DIS3: variants seen among roughly 807,000 people sequenced by gnomAD.
DIS3 encodes the protein exosome complex exonuclease RRP44.
DIS3 carries 103 observed loss-of-function variants against 113.0 expected under a neutral mutation model. The observed-to-expected ratio is 0.91, with a 90% CI of 0.78 to 1.07. The LOEUF is 1.07. Ranked by LOEUF, DIS3 falls within the 50% of genes least tolerant of loss-of-function variation. The pLI is 0.00. For synonymous variants in DIS3, 402 were observed against 394.3 expected, an observed-to-expected ratio of 1.02 and a Z score of -0.23; for missense variants, 1,121 against 1,167.1, an observed-to-expected ratio of 0.96 and a Z score of 0.58.
At chr13:72,771,444 T>A (rs919495514) in intron 11 of DIS3, among the ~76,000 whole-genome samples, 4 of 152,150 alleles carry the variant, frequency 2.6e-5, no homozygotes, top group Non-Finnish European at 5.9e-5. Context: ...CTGGTCTGTA[T>A]AAGTTTATAC....
rs753696563 is a variant in DIS3 at position 72,752,236 on chromosome 13, G to C, written c.*7559C>G. The stretch of plus-strand genomic sequence containing the variant: ...GGCAAGATTTACATAGCAGTGAATA[G>C]AACATGACTTTTTAATTTTTGTCCC... On this transcript the variant is annotated 3_prime_UTR_variant, in exon 21 of 21. Transcript: ENST00000377767. 3.9e-5 allele frequency: 6 copies of C among 152,294 alleles called. No homozygotes were observed. The highest frequency in any genetic ancestry group is 2.0e-4 in the Admixed American group (3 of 15,296). The allele number at this position is 152,294 out of a possible 1,614,324, so 9.4% of individuals were successfully genotyped here.
chr13:72,777,176 A>C (rs1386543977), intron 4 of DIS3, among the ~76,000 whole-genome samples: 1 of 152,128 alleles, frequency 6.6e-6, no homozygotes, highest in East Asian at 1.9e-4. Context: ...TTCCTCAACC[A>C]AACAGTGCTA....
In DIS3 at chr13:72,758,443, T is replaced by C; in HGVS notation, c.*1352A>G. ...GATTTGTTTACATATTGTATATGGC[T>C]CCTTACACACTATCAACGGCAGAGT... On this transcript the variant is annotated 3_prime_UTR_variant, in exon 21 of 21. Coordinates refer to ENST00000377767, the MANE Select transcript of DIS3 (RefSeq NM_014953.5). The C allele has an allele frequency of 5.0e-6, 1 of 199,966 alleles. No homozygotes were observed. The highest frequency in any genetic ancestry group is 7.7e-5 in the East Asian group (1 of 12,906). The allele number at this position is 199,966 out of a possible 1,614,324, so 12.4% of individuals were successfully genotyped here.
At chr13:72,772,393 A>C (rs2033907222) in intron 9 of DIS3, 118 bp from the exon 10 acceptor site, 5 of 802,722 alleles carry the variant, frequency 6.2e-6, no homozygotes, top group African/African-American at 3.5e-5. Context: ...TATTTTCTTG[A>C]TGACAACCAC....
At chr13:72,768,036 C>T (rs1204896068) in intron 14 of DIS3, among the ~76,000 whole-genome samples, 1 of 152,164 alleles carries the variant, frequency 6.6e-6, no homozygotes, top group East Asian at 1.9e-4. Flanking sequence ...AGATCTGTTA[C>T]TAGTCAGATC....
In DIS3 at chr13:72,759,822, C is replaced by G. The variant is rs1424255219; in HGVS notation, c.2850G>C (p.Lys950Asn). 6.8e-6 allele frequency: 11 copies of G among 1,612,482 alleles called. No individual in the cohort carries two copies. The highest frequency in any genetic ancestry group is 9.3e-6 in the Non-Finnish European group (11 of 1,179,358). ...DTSNMDLNGPKKKKMKLGK is the reference protein window; with the variant it reads ...DTSNMDLNGPNKKKMKLGK The stretch of plus-strand genomic sequence containing the variant: ...ATTTTCCAAGCTTCATCTTCTTTTT[C>G]TTTGGTCCATTAAGGTCCATGTTTG... Residue 950 changes from lysine (K) to asparagine (N), a missense_variant, in exon 21 of 21, where the codon AAG becomes AAC. Lys to Asn is a moderately conservative substitution (Grantham distance 94, BLOSUM62 0). Transcript: ENST00000377767.
In DIS3 at chr13:72,756,970, G is replaced by T; in HGVS notation, c.*2825C>A. On this transcript the variant is annotated 3_prime_UTR_variant, in exon 21 of 21. Coordinates refer to ENST00000377767, the MANE Select transcript of DIS3 (RefSeq NM_014953.5). ...GGAGATAACAGTCCTGGCTTAACAGGGCTTTTTGAGTTAAGTGATATATTC... is the reference window on the plus strand; with the variant it reads ...GGAGATAACAGTCCTGGCTTAACAGTGCTTTTTGAGTTAAGTGATATATTC... 6.6e-6 allele frequency: 1 copy of T among 152,042 alleles called. No homozygotes were observed. The highest frequency in any genetic ancestry group is 2.4e-5 in the African/African-American group (1 of 41,376). The allele number at this position is 152,042 out of a possible 1,614,324, so 9.4% of individuals were successfully genotyped here.
At chr13:72,766,739 C>G (rs994004351) in intron 14 of DIS3, among the ~76,000 whole-genome samples, 2 of 152,084 alleles carry the variant, frequency 1.3e-5, no homozygotes, top group African/African-American at 4.8e-5. Flanking sequence ...TTTCTTACAC[C>G]TTGACATAAC....
chr13:72,781,770 G>C lies in DIS3; in HGVS notation c.63C>G (p.Arg21=). 6.2e-7 allele frequency: 1 copy of C among 1,604,816 alleles called. No individual in the cohort carries two copies. The highest frequency in any genetic ancestry group is 8.5e-7 in the Non-Finnish European group (1 of 1,175,912). Residue 21 remains arginine, a synonymous_variant, in exon 1 of 21, where the codon CGC becomes CGG. Coordinates refer to ENST00000377767, the MANE Select transcript of DIS3 (RefSeq NM_014953.5). ...TRAGGVMKIV[R]EHYLRDDIGC... ...CGATGTCGTCTCGCAGGTAGTGCTCGCGCACGATCTTCATCACGCCGCCCG... is the reference window on the plus strand; with the variant it reads ...CGATGTCGTCTCGCAGGTAGTGCTCCCGCACGATCTTCATCACGCCGCCCG...
At chr13:72,778,496 T>G in intron 2 of DIS3, 116 bp from the exon 3 acceptor site, 2 of 711,924 alleles carry the variant, frequency 2.8e-6, no homozygotes, top group South Asian at 7.0e-5. Context: ...GTATATCTTT[T>G]CTCTTGAATG....
intron 2 of DIS3, 83 bp downstream of exon 2, chr13:72,780,763 T>C (rs1593857006): frequency 2.4e-6 from 3 of 1,247,810 alleles, no homozygotes; most frequent in East Asian, 2.3e-5. Flanking sequence ...CTTCTGACAA[T>C]GTCATAAATT....
chr13:72,778,788 A>G (rs1411375613), intron 2 of DIS3, among the ~76,000 whole-genome samples: 1 of 152,230 alleles, frequency 6.6e-6, no homozygotes, highest in African/African-American at 2.4e-5. Flanking sequence ...TACAAATAGT[A>G]TAATTAGATC....
chr13:72,772,127 A>T (rs1173759218), intron 10 of DIS3, 32 bp downstream of exon 10: 2 of 1,536,980 alleles, frequency 1.3e-6, no homozygotes, highest in Non-Finnish European at 1.8e-6. Flanking sequence ...ACAGAACTAT[A>T]TTTAGGTAAG....
rs1281652897 is a variant in DIS3, at chr13:72,781,873, T to A, written c.-41A>T. The stretch of plus-strand genomic sequence containing the variant: ...AGAATCCTAACCCCAGCAGCGCTCT[T>A]CCAGCAAAAGGCGTCAATCTAGAAT... On this transcript the variant is annotated 5_prime_UTR_variant, in exon 1 of 21. Transcript: ENST00000377767. 1 of 1,488,054 alleles carries A rather than the reference T, an allele frequency of 6.7e-7. No homozygotes were observed. Among genetic ancestry groups the A allele is most frequent in the Non-Finnish European group, 9.0e-7 (1 of 1,110,758 alleles). The allele number at this position is 1,488,054 out of a possible 1,614,324, so 92.2% of individuals were successfully genotyped here.
Position 72,755,975 on chromosome 13 carries a change from T to A in DIS3, c.*3820A>T, listed in dbSNP as rs2033454951. 1 of 398,478 alleles carries A rather than the reference T, an allele frequency of 2.5e-6. No homozygotes were observed. The highest frequency in any genetic ancestry group is 4.4e-5 in the Admixed American group (1 of 22,704). The allele number at this position is 398,478 out of a possible 1,614,324, so 24.7% of individuals were successfully genotyped here. On this transcript the variant is annotated 3_prime_UTR_variant, in exon 21 of 21. Transcript: ENST00000377767. ...GGAGAACCAAGAGAAAAAGTGGGGC[T>A]GGGAGAGTGGAGTTCCCGTAGGGCA...
intron 3 of DIS3, among the ~76,000 whole-genome samples, 177 bp downstream of exon 3, chr13:72,778,010 G>A (rs779207041): frequency 5.9e-5 from 9 of 152,002 alleles, no homozygotes; most frequent in East Asian, 1.9e-4. Flanking sequence ...ACAGCCACTG[G>A]GCACAACATA....
At position 72,781,635 on chromosome 13, in the gene DIS3, C is replaced by A; in HGVS notation, c.198G>T (p.Leu66Phe). 1 of 1,539,512 alleles carries A rather than the reference C, an allele frequency of 6.5e-7. No individual in the cohort carries two copies. The highest frequency in any genetic ancestry group is 1.2e-5 in the South Asian group (1 of 83,248). Residue 66 changes from leucine (L) to phenylalanine (F), a missense_variant, in exon 1 of 21, where the codon TTG becomes TTT. Leu to Phe is a conservative substitution (Grantham distance 22, BLOSUM62 0). Coordinates refer to ENST00000377767, the MANE Select transcript of DIS3 (RefSeq NM_014953.5). ...GCAGTAACACATTAGTGTCGGGCAG[C>A]AAGTAGTGCGGTTGCGGGCAGACGC... is the stretch of plus-strand genomic sequence containing the variant. ...ASSVCPQPHY[L>F]LPDTNVLLHQ...
intron 4 of DIS3, among the ~76,000 whole-genome samples, chr13:72,776,901 C>A (rs2034029960): frequency 6.6e-6 from 1 of 152,198 alleles, no homozygotes; most frequent in Admixed American, 6.5e-5. Context: ...TTCTCTCCTG[C>A]TCCACCAATC....
At chr13:72,774,172 T>C (rs1210774395) in intron 6 of DIS3, 113 bp from the exon 7 acceptor site, 3 of 632,336 alleles carry the variant, frequency 4.7e-6, no homozygotes, top group East Asian at 2.8e-5. Context: ...CAGTAAATTA[T>C]GACATAAGAC....
Sources: gnomAD v4.1 joint callset for allele counts (sites outside exome capture counted in the v4.1 genomes callset) on GRCh38, gnomAD v4.1.1 for gene constraint, MANE v1.5 for transcripts, NCBI Gene and HGNC (gene_info 2026-07-23, HGNC 2026-07-21) for gene names.